The following DLGAP1 variants were observed in gnomAD, a reference collection of about 807,000 sequenced individuals.
DLGAP1 encodes disks large-associated protein 1.
Under a neutral mutation model 90.8 loss-of-function variants are expected in DLGAP1, and 11 were observed. That is an observed-to-expected ratio of 0.12 (90% CI 0.08 to 0.20). The LOEUF (loss-of-function observed/expected upper bound fraction) is 0.20, where lower values mean the gene tolerates loss of function less well. Among genes scored for constraint, DLGAP1 ranks in the 10% least tolerant of loss-of-function variants. The probability of loss-of-function intolerance (pLI) is 1.00; values close to 1 mark genes in which losing one functional copy is unlikely to be tolerated. For missense variants in DLGAP1, 1,050 were observed against 1,333.8 expected, an observed-to-expected ratio of 0.79 and a Z score of 3.31; for synonymous variants, 558 against 540.7, an observed-to-expected ratio of 1.03 and a Z score of -0.44.
chr18:3,519,289 C>G (rs1331509703), intron 10 of DLGAP1, among the ~76,000 whole-genome samples: 2 of 152,196 alleles, frequency 1.3e-5, no homozygotes, highest in Non-Finnish European at 2.9e-5. Context: ...CTAGCCTGTA[C>G]AGCTATAGTC....
At chr18:3,502,911 C>T (rs1238378027) in intron 11 of DLGAP1, among the ~76,000 whole-genome samples, 2 of 151,762 alleles carry the variant, frequency 1.3e-5, no homozygotes, top group African/African-American at 2.4e-5. Context: ...AGGGTCTAAA[C>T]ATATGAAAAA....
intron 2 of DLGAP1, among the ~76,000 whole-genome samples, chr18:4,090,932 A>ATC (rs2075765021): frequency 1.3e-5 from 2 of 152,226 alleles, no homozygotes; most frequent in South Asian, 4.1e-4. Flanking sequence ...ATGAGACCAC[A>ATC]TCCTTTGCAG....
chr18:4,064,973 A>G (rs1320418075), intron 2 of DLGAP1, among the ~76,000 whole-genome samples: 1 of 152,204 alleles, frequency 6.6e-6, no homozygotes, highest in Non-Finnish European at 1.5e-5. Flanking sequence ...CAAAAAGGTT[A>G]TCCACCACAA....
At chr18:4,057,038 C>T (rs1253466325) in intron 2 of DLGAP1, among the ~76,000 whole-genome samples, 6 of 150,706 alleles carry the variant, frequency 4.0e-5, no homozygotes. Context: ...CACACACACA[C>T]ACACACACAC....
chr18:3,876,332 G>A (rs1044037913), intron 4 of DLGAP1, among the ~76,000 whole-genome samples: 1 of 151,094 alleles, frequency 6.6e-6, no homozygotes, highest in Non-Finnish European at 1.5e-5. Context: ...GGGTTGGGAG[G>A]TCTACACTGT....
chr18:3,747,126 C>T (rs571589681), intron 5 of DLGAP1, among the ~76,000 whole-genome samples: 31 of 152,190 alleles, frequency 2.0e-4, no homozygotes, highest in Non-Finnish European at 2.8e-4. Context: ...GGGAGGTCTA[C>T]GTGGAAGGAA....
At chr18:4,424,801 C>T (rs2083116337) in intron 1 of DLGAP1, among the ~76,000 whole-genome samples, 1 of 152,096 alleles carries the variant, frequency 6.6e-6, no homozygotes, top group South Asian at 2.1e-4. Flanking sequence ...ATTGCGAATA[C>T]AAGAGATGGT....
intron 1 of DLGAP1, among the ~76,000 whole-genome samples, chr18:4,234,937 A>G (rs763374750): frequency 6.6e-6 from 1 of 152,126 alleles, no homozygotes; most frequent in African/African-American, 2.4e-5. Flanking sequence ...TTGTGTTTAA[A>G]TCTTCCTTCC....
At chr18:4,160,514 T>A (rs2076826868) in intron 1 of DLGAP1, among the ~76,000 whole-genome samples, 1 of 152,212 alleles carries the variant, frequency 6.6e-6, no homozygotes, top group Non-Finnish European at 1.5e-5. Context: ...TTATTTCATT[T>A]AAAATTCACA....
At chr18:3,614,984 C>T (rs1419390231) in intron 7 of DLGAP1, among the ~76,000 whole-genome samples, 3 of 120,070 alleles carry the variant, frequency 2.5e-5, no homozygotes, top group Admixed American at 9.0e-5. Context: ...TGCAATGGCA[C>T]GATCTCGGCT....
At chr18:3,555,742 G>A (rs936745352) in intron 9 of DLGAP1, among the ~76,000 whole-genome samples, 2 of 152,020 alleles carry the variant, frequency 1.3e-5, no homozygotes, top group East Asian at 1.9e-4. Flanking sequence ...CCCAGGAGGC[G>A]GAGGTTGCAG....
At chr18:3,534,158 C>G in intron 10 of DLGAP1, 36 bp downstream of exon 10, 1 of 1,585,466 alleles carries the variant, frequency 6.3e-7, no homozygotes, top group Non-Finnish European at 8.6e-7. Flanking sequence ...ACCCCAGCCC[C>G]AGGGGACGGG....
chr18:4,403,489 A>G (rs2082599272), intron 1 of DLGAP1, among the ~76,000 whole-genome samples: 1 of 152,182 alleles, frequency 6.6e-6, no homozygotes, highest in African/African-American at 2.4e-5. Context: ...CTCCTTAACA[A>G]AACAATTTTT....
Position 3,920,140 on chromosome 18 carries a change from C to T in DLGAP1, c.-72-40000G>A, listed in dbSNP as rs1014815142. Among the ~76,000 whole-genome samples the T allele has an allele frequency of 4.6e-5, 7 of 151,930 alleles. No homozygotes were observed. The East Asian group carries it at 9.7e-4, about 21-fold the overall frequency. On this transcript the variant is annotated intron_variant, in intron 3 of 12. Transcript: ENST00000315677. Reference sequence around the variant, plus strand: ...GGCAGATCACTTGAGGTCAGGAGTTCGAGACCAGCCTGGCCAACACGGTGA... The same window carrying T: ...GGCAGATCACTTGAGGTCAGGAGTTTGAGACCAGCCTGGCCAACACGGTGA...
intron 2 of DLGAP1, among the ~76,000 whole-genome samples, chr18:4,060,927 A>G (rs994162854): frequency 6.6e-6 from 1 of 152,172 alleles, no homozygotes; most frequent in Admixed American, 6.5e-5. Context: ...GGTAAAATTT[A>G]AAGGTTATTA....
At chr18:4,079,358 C>G (rs928968606) in intron 2 of DLGAP1, among the ~76,000 whole-genome samples, 50 of 149,942 alleles carry the variant, frequency 3.3e-4, no homozygotes, top group Non-Finnish European at 7.1e-4. Flanking sequence ...AGTCAGCATA[C>G]AAAGAATAAA....
At chr18:4,412,328 G>C (rs764942821) in intron 1 of DLGAP1, among the ~76,000 whole-genome samples, 6 of 152,134 alleles carry the variant, frequency 3.9e-5, no homozygotes, top group Non-Finnish European at 7.3e-5. Context: ...CTCTGTTAAG[G>C]CTATCATCTC....
At chr18:4,391,512 C>T (rs565472665) in intron 1 of DLGAP1, among the ~76,000 whole-genome samples, 1 of 152,292 alleles carries the variant, frequency 6.6e-6, no homozygotes, top group African/African-American at 2.4e-5. Context: ...CAATCCATAG[C>T]TGGCTGACAC....
At chr18:3,723,810 A>G (rs1295580354) in intron 7 of DLGAP1, among the ~76,000 whole-genome samples, 1 of 152,160 alleles carries the variant, frequency 6.6e-6, no homozygotes, top group Non-Finnish European at 1.5e-5. Context: ...GGAAGATGGA[A>G]GAATGTGTCT....
Sources: gnomAD v4.1 joint callset for allele counts (sites outside exome capture counted in the v4.1 genomes callset) on GRCh38, gnomAD v4.1.1 for gene constraint, MANE v1.5 for transcripts, NCBI Gene and HGNC (gene_info 2026-07-23, HGNC 2026-07-21) for gene names.